Variants in CPEB3 observed in about 807,000 individuals in gnomAD.
CPEB3 encodes the protein cytoplasmic polyadenylation element-binding protein 3.
In CPEB3, 20 loss-of-function variants were observed where a neutral mutation model predicts 67.2. The ratio of observed to expected loss-of-function variants is 0.30; its 90% CI spans 0.21 to 0.43. The LOEUF is 0.43. Among genes scored for constraint, CPEB3 ranks in the 20% least tolerant of loss-of-function variants. CPEB3 has a pLI of 1.00. For synonymous variants in CPEB3, 376 were observed against 393.1 expected (o/e 0.96, Z 0.51); for missense variants, 746 against 968.6 (o/e 0.77, Z 3.05).
chr10:92,065,919 C>T (rs11186817), intron 9 of CPEB3, among the ~76,000 whole-genome samples: 1 of 151,406 alleles, frequency 6.6e-6, no homozygotes, highest in African/African-American at 2.4e-5. Context: ...CATGCTGAGA[C>T]CCCCCCTCTC....
chr10:92,231,798 C>A (rs756907601), intron 2 of CPEB3, among the ~76,000 whole-genome samples: 8 of 152,160 alleles, frequency 5.3e-5, no homozygotes, highest in South Asian at 2.1e-4. Flanking sequence ...CGGCTCACTG[C>A]AACCTCCGCC....
chr10:92,192,149 A>G (rs573974315), intron 3 of CPEB3, among the ~76,000 whole-genome samples: 6 of 152,310 alleles, frequency 3.9e-5, no homozygotes, highest in Admixed American at 3.3e-4. Context: ...ATGGACTTAA[A>G]TGAATTATCC....
intron 4 of CPEB3, among the ~76,000 whole-genome samples, chr10:92,149,730 T>C (rs2133875301): frequency 6.6e-6 from 1 of 152,292 alleles, no homozygotes; most frequent in Non-Finnish European, 1.5e-5. Context: ...ACATAAATGA[T>C]ATTTCTCTAA....
At chr10:92,248,023 T>C (rs1316063943) in intron 1 of CPEB3, among the ~76,000 whole-genome samples, 1 of 152,176 alleles carries the variant, frequency 6.6e-6, no homozygotes, top group East Asian at 1.9e-4. Flanking sequence ...TTAAAGGCTA[T>C]AAAAATACTT....
At chr10:92,124,580 T>C (rs1489814941) in intron 6 of CPEB3, among the ~76,000 whole-genome samples, 1 of 152,006 alleles carries the variant, frequency 6.6e-6, no homozygotes, top group Admixed American at 6.5e-5. Context: ...CACCAAACAG[T>C]GTGAGCACTA....
At chr10:92,079,432 A>T (rs1449659628) in intron 9 of CPEB3, among the ~76,000 whole-genome samples, 2 of 152,184 alleles carry the variant, frequency 1.3e-5, no homozygotes, top group Non-Finnish European at 2.9e-5. Context: ...TTAAAAATGC[A>T]TGGAGTTCAG....
intron 2 of CPEB3, among the ~76,000 whole-genome samples, chr10:92,194,782 C>G (rs1484288856): frequency 2.0e-5 from 3 of 152,138 alleles, no homozygotes; most frequent in African/African-American, 7.2e-5. Flanking sequence ...TGGCTCACGC[C>G]TGTAATCCCA....
chr10:92,075,710 A>G (rs931738947), intron 9 of CPEB3, among the ~76,000 whole-genome samples: 2 of 152,198 alleles, frequency 1.3e-5, no homozygotes, highest in African/African-American at 4.8e-5. Flanking sequence ...CTACTGACAT[A>G]TTTTCTATTC....
At chr10:92,139,530 C>T (rs1283017619) in intron 6 of CPEB3, among the ~76,000 whole-genome samples, 1 of 121,536 alleles carries the variant, frequency 8.2e-6, no homozygotes, top group Non-Finnish European at 1.6e-5. Flanking sequence ...TTACCAGAGG[C>T]TGGAAAGAAG....
chr10:92,149,562 G>A (rs929703456), intron 4 of CPEB3, among the ~76,000 whole-genome samples: 1 of 152,144 alleles, frequency 6.6e-6, no homozygotes, highest in African/African-American at 2.4e-5. Context: ...ATCAAGAGTT[G>A]TAAAAATTTG....
rs78251113 is a variant in CPEB3 at position 92,173,538 on chromosome 10, C to A, written c.1222+7425G>T. On this transcript the variant is annotated intron_variant, in intron 4 of 9. Transcript: ENST00000265997. ...AGAGAAACTATTTTCCCAAAGACACCGAATTTGCATGTTTGTGTTAAGGTA... is the reference window on the plus strand; with the variant it reads ...AGAGAAACTATTTTCCCAAAGACACAGAATTTGCATGTTTGTGTTAAGGTA... Among the ~76,000 whole-genome samples the A allele has an allele frequency of 7.2e-5, 11 of 152,048 alleles. No homozygotes were observed. In the East Asian group the frequency reaches 2.1e-3, roughly 29 times the overall value.
intron 1 of CPEB3, among the ~76,000 whole-genome samples, chr10:92,246,905 C>A (rs946533930): frequency 6.6e-6 from 1 of 152,156 alleles, no homozygotes; most frequent in Non-Finnish European, 1.5e-5. Flanking sequence ...GTTAATCCAC[C>A]TAACTCCAAG....
At chr10:92,098,347 T>C (rs1843993075) in intron 7 of CPEB3, among the ~76,000 whole-genome samples, 2 of 151,732 alleles carry the variant, frequency 1.3e-5, no homozygotes, top group Non-Finnish European at 2.9e-5. Flanking sequence ...TCGCTCTTGT[T>C]GCCCAGGCTG....
chr10:92,090,403 G>A (rs1053389427), intron 8 of CPEB3, among the ~76,000 whole-genome samples: 3 of 152,140 alleles, frequency 2.0e-5, no homozygotes, highest in Admixed American at 6.6e-5. Flanking sequence ...TTAGCCAGGT[G>A]TGGTGGCACA....
intron 4 of CPEB3, among the ~76,000 whole-genome samples, chr10:92,170,274 A>G (rs1450692152): frequency 4.6e-5 from 7 of 152,242 alleles, no homozygotes; most frequent in Admixed American, 6.5e-5. Context: ...CATTTAACAT[A>G]TAAGATACTA....
At chr10:92,121,493 T>A (rs1190809032) in intron 6 of CPEB3, among the ~76,000 whole-genome samples, 1 of 151,080 alleles carries the variant, frequency 6.6e-6, no homozygotes, top group East Asian at 1.9e-4. Flanking sequence ...GTGTTCACTG[T>A]ATTATTCTTA....
intron 1 of CPEB3, among the ~76,000 whole-genome samples, chr10:92,289,732 A>AAAAAAAAAAAAAAAAAAAAAAAT: frequency 9.2e-5 from 7 of 75,764 alleles, no homozygotes; most frequent in Non-Finnish European, 1.8e-4. Context: ...AAAAAAAAAA[A>AAAAAAAAAAAAAAAAAAAAAAAT]ATATATATAT....
chr10:92,280,230 C>T (rs1274621989), intron 1 of CPEB3, among the ~76,000 whole-genome samples: 1 of 151,030 alleles, frequency 6.6e-6, no homozygotes, highest in Non-Finnish European at 1.5e-5. Flanking sequence ...CCTATAATCC[C>T]AGCTACTCAG....
chr10:92,118,161 C>T (rs374503790), intron 6 of CPEB3, among the ~76,000 whole-genome samples: 10 of 152,206 alleles, frequency 6.6e-5, no homozygotes, highest in Admixed American at 1.3e-4. Context: ...GATGGAGTTT[C>T]GCTCTTGTTG....
Sources: gnomAD v4.1 joint callset for allele counts (sites outside exome capture counted in the v4.1 genomes callset) on GRCh38, gnomAD v4.1.1 for gene constraint, MANE v1.5 for transcripts, NCBI Gene and HGNC (gene_info 2026-07-23, HGNC 2026-07-21) for gene names.